SETBP1: variants seen among roughly 807,000 people sequenced by gnomAD.
The protein encoded by SETBP1 is SET binding protein 1, also known as SET-binding protein.
SETBP1 carries 9 observed loss-of-function variants against 101.0 expected under a neutral mutation model. That is an observed-to-expected ratio of 0.09 (90% CI 0.05 to 0.16). SETBP1 has a LOEUF of 0.16. Among genes scored for constraint, SETBP1 ranks in the 10% least tolerant of loss-of-function variants. The pLI, the probability that SETBP1 is intolerant of heterozygous loss-of-function variation, is 1.00. For missense variants in SETBP1, 1,858 were observed against 2,033.8 expected, an observed-to-expected ratio of 0.91 and a Z score of 1.66; for synonymous variants, 818 against 788.5, an observed-to-expected ratio of 1.04 and a Z score of -0.63.
At chr18:44,960,242 T>C (rs959017065) in intron 4 of SETBP1, among the ~76,000 whole-genome samples, 2 of 152,074 alleles carry the variant, frequency 1.3e-5, no homozygotes, top group Non-Finnish European at 2.9e-5. Context: ...TGGGGAACAT[T>C]GGCAGATAAA....
intron 1 of SETBP1, among the ~76,000 whole-genome samples, chr18:44,693,053 G>T (rs1382015314): frequency 6.6e-6 from 1 of 152,214 alleles, no homozygotes; most frequent in Non-Finnish European, 1.5e-5. Flanking sequence ...GAGAACCATG[G>T]TGTAGAGCTG....
chr18:44,809,031 T>G (rs1013705449), intron 2 of SETBP1, among the ~76,000 whole-genome samples: 2 of 152,208 alleles, frequency 1.3e-5, no homozygotes, highest in African/African-American at 4.8e-5. Context: ...GGGTGCCTTT[T>G]CTTTTCCCAG....
chr18:45,014,909 A>G (rs1421485663), intron 4 of SETBP1, among the ~76,000 whole-genome samples: 3 of 152,344 alleles, frequency 2.0e-5, no homozygotes, highest in East Asian at 1.9e-4. Flanking sequence ...TGTACCTGCA[A>G]TTGAAGTCTT....
chr18:45,006,324 A>T (rs918684885), intron 4 of SETBP1, among the ~76,000 whole-genome samples: 1 of 152,076 alleles, frequency 6.6e-6, no homozygotes, highest in Admixed American at 6.6e-5. Flanking sequence ...TGTTCCTACT[A>T]GCTTGTTCTT....
intron 2 of SETBP1, among the ~76,000 whole-genome samples, chr18:44,857,671 G>T (rs1266058883): frequency 6.6e-6 from 1 of 152,148 alleles, no homozygotes; most frequent in Non-Finnish European, 1.5e-5. Flanking sequence ...ATTTTGCTCA[G>T]TCTCAGTGGG....
chr18:45,047,541 C>A (rs1742567975), intron 5 of SETBP1, among the ~76,000 whole-genome samples: 1 of 152,068 alleles, frequency 6.6e-6, no homozygotes, highest in African/African-American at 2.4e-5. Context: ...GAGAAGGGGG[C>A]ACTGTGCATT....
chr18:44,729,989 T>A (rs1193847776), intron 2 of SETBP1, among the ~76,000 whole-genome samples: 1 of 152,156 alleles, frequency 6.6e-6, no homozygotes, highest in African/African-American at 2.4e-5. Context: ...TGTAGACTAA[T>A]CTTTGCAGAA....
chr18:44,788,361 A>G (rs1372074360), intron 2 of SETBP1, among the ~76,000 whole-genome samples: 1 of 152,160 alleles, frequency 6.6e-6, no homozygotes, highest in Non-Finnish European at 1.5e-5. Flanking sequence ...ACATTTGCAA[A>G]TTAATATGTC....
chr18:44,773,836 T>TTGTGTG (rs1280926160), intron 2 of SETBP1, among the ~76,000 whole-genome samples: 1 of 36,338 alleles, frequency 2.8e-5, no homozygotes, highest in African/African-American at 1.0e-4. Flanking sequence ...CTCTCTCTGT[T>TTGTGTG]TATGTGTGTG....
chr18:45,043,958 G>A (rs1169430165), intron 5 of SETBP1, among the ~76,000 whole-genome samples: 1 of 152,158 alleles, frequency 6.6e-6, no homozygotes, highest in Admixed American at 6.5e-5. Flanking sequence ...CTGTGGGAAG[G>A]GGCCCAGAAT....
At chr18:44,825,447 A>G (rs1272963055) in intron 2 of SETBP1, among the ~76,000 whole-genome samples, 2 of 152,220 alleles carry the variant, frequency 1.3e-5, no homozygotes, top group Non-Finnish European at 2.9e-5. Context: ...AATTTTTCTA[A>G]AAGTATCTTT....
chr18:44,684,582 A>G (rs1228893365), intron 1 of SETBP1, among the ~76,000 whole-genome samples: 1 of 143,028 alleles, frequency 7.0e-6, no homozygotes, highest in Non-Finnish European at 1.6e-5. Context: ...CTGTTTTTAG[A>G]AGGTTTTTTT....
chr18:44,963,082 C>T (rs549433670), intron 4 of SETBP1, among the ~76,000 whole-genome samples: 1 of 152,136 alleles, frequency 6.6e-6, no homozygotes, highest in Non-Finnish European at 1.5e-5. Context: ...CGTGACCAAG[C>T]CATTTTTTGT....
At chr18:45,038,422 A>G in intron 4 of SETBP1, 63 bp from the exon 5 acceptor site, 1 of 1,424,638 alleles carries the variant, frequency 7.0e-7, no homozygotes, top group Non-Finnish European at 9.9e-7. Flanking sequence ...TGTCCAGGTT[A>G]CATGTTGTCT....
In SETBP1 at chr18:44,804,960, T is replaced by G. The variant is rs923124255; in HGVS notation, c.487-64270T>G. On this transcript the variant is annotated intron_variant, in intron 2 of 5. Coordinates refer to ENST00000649279, the MANE Select transcript of SETBP1 (RefSeq NM_015559.3). ...GACATGTGTTTCACAGAACACACAGTGAGACATAAACGATGATGGGAAATT... is the reference window on the plus strand; with the variant it reads ...GACATGTGTTTCACAGAACACACAGGGAGACATAAACGATGATGGGAAATT... 4.2e-4 allele frequency among the ~76,000 whole-genome samples: 64 copies of G among 152,070 alleles called. 1 individual carries two copies. Among genetic ancestry groups the G allele is most frequent in the African/African-American group, 1.5e-3 (61 of 41,414 alleles).
intron 3 of SETBP1, among the ~76,000 whole-genome samples, chr18:44,923,064 C>T (rs774626533): frequency 1.3e-5 from 2 of 152,112 alleles, no homozygotes; most frequent in Admixed American, 6.6e-5. Flanking sequence ...TTGGTTACTA[C>T]GTTGCAAAGA....
chr18:44,688,062 A>C (rs2068866139), intron 1 of SETBP1, among the ~76,000 whole-genome samples: 1 of 152,198 alleles, frequency 6.6e-6, no homozygotes, highest in Admixed American at 6.5e-5. Flanking sequence ...TGTGGGATTG[A>C]TGAAGCACCT....
intron 2 of SETBP1, among the ~76,000 whole-genome samples, chr18:44,853,089 C>T (rs2144595696): frequency 6.6e-6 from 1 of 152,252 alleles, no homozygotes; most frequent in East Asian, 1.9e-4. Flanking sequence ...TGGGGAATTC[C>T]CTGTTTCTAA....
At chr18:44,694,451 A>G (rs1358729816) in intron 1 of SETBP1, among the ~76,000 whole-genome samples, 1 of 152,178 alleles carries the variant, frequency 6.6e-6, no homozygotes, top group Non-Finnish European at 1.5e-5. Context: ...ACCTCAGGTG[A>G]TCTGCCCACT....
Sources: gnomAD v4.1 joint callset for allele counts (sites outside exome capture counted in the v4.1 genomes callset) on GRCh38, gnomAD v4.1.1 for gene constraint, MANE v1.5 for transcripts, NCBI Gene and HGNC (gene_info 2026-07-23, HGNC 2026-07-21) for gene names.